Variants in DDR2 observed in about 807,000 individuals in gnomAD.
DDR2 encodes the protein discoidin domain-containing receptor 2.
Under a neutral mutation model 94.9 loss-of-function variants are expected in DDR2, and 27 were observed. That is an observed-to-expected ratio of 0.28 (90% CI 0.21 to 0.39). The LOEUF (loss-of-function observed/expected upper bound fraction) is 0.39, where lower values mean the gene tolerates loss of function less well. DDR2 is among the 10% of genes least tolerant of loss of function. The pLI, the probability that DDR2 is intolerant of heterozygous loss-of-function variation, is 1.00. For missense variants in DDR2, 783 were observed against 1,076.0 expected, an observed-to-expected ratio of 0.73 and a Z score of 3.81; for synonymous variants, 382 against 377.2, an observed-to-expected ratio of 1.01 and a Z score of -0.15.
At chr1:162,777,575 C>G (rs1172512515) in intron 16 of DDR2, among the ~76,000 whole-genome samples, 1 of 152,130 alleles carries the variant, frequency 6.6e-6, no homozygotes, top group African/African-American at 2.4e-5. Context: ...ATTACTCTCC[C>G]TAAAGGTATT....
At chr1:162,717,504 T>G (rs73024569) in intron 2 of DDR2, among the ~76,000 whole-genome samples, 246 of 152,316 alleles carry the variant, frequency 1.6e-3, no homozygotes, top group African/African-American at 5.6e-3. Context: ...GTCCATTCTT[T>G]ATTCTGATTT....
At position 162,776,126 on chromosome 1, in the gene DDR2, A is replaced by G. The variant is rs1390187974; in HGVS notation, c.2049-10A>G. On this transcript the variant is annotated splice_polypyrimidine_tract_variant and intron_variant, in intron 15 of 17. Transcript: ENST00000367921. ...TAGGCTACCTTCTGTCTTCTTGTCTATTTCCTCAGTTACACCAATCTGAAG... is the reference window on the plus strand; with the variant it reads ...TAGGCTACCTTCTGTCTTCTTGTCTGTTTCCTCAGTTACACCAATCTGAAG... 7 of 1,606,818 alleles carry G rather than the reference A, an allele frequency of 4.4e-6. No homozygotes were observed. Among genetic ancestry groups the G allele is most frequent in the South Asian group, 2.2e-5 (2 of 90,846 alleles).
intron 2 of DDR2, among the ~76,000 whole-genome samples, chr1:162,707,332 G>C (rs1240572461): frequency 1.3e-5 from 2 of 152,218 alleles, no homozygotes; most frequent in Non-Finnish European, 2.9e-5. Flanking sequence ...GATTGGTGAG[G>C]ATGGAGAACA....
chr1:162,715,741 C>G (rs1185903338), intron 2 of DDR2, among the ~76,000 whole-genome samples: 2 of 152,334 alleles, frequency 1.3e-5, no homozygotes, highest in Non-Finnish European at 2.9e-5. Context: ...TTGTTGAAAA[C>G]AAACCTCATT....
At chr1:162,767,584 G>GA (rs1179885075) in intron 11 of DDR2, among the ~76,000 whole-genome samples, 1 of 152,146 alleles carries the variant, frequency 6.6e-6, no homozygotes, top group East Asian at 1.9e-4. Context: ...CGGAAATGCA[G>GA]AAAACTCTTC....
intron 3 of DDR2, among the ~76,000 whole-genome samples, chr1:162,740,021 A>T (rs1662511705): frequency 6.6e-6 from 1 of 151,998 alleles, no homozygotes; most frequent in African/African-American, 2.4e-5. Flanking sequence ...ATTTTACTCA[A>T]TGTTATCTTT....
chr1:162,755,194 A>G lies in DDR2; in HGVS notation c.456A>G (p.Leu152=), dbSNP rs1663399481. ...ATAGTAACCCCTATGACATTTTCCT[A>G]AAGGACTTGGAGCCGCCCATTGTAG... is the stretch of plus-strand genomic sequence containing the variant. The part of the protein sequence containing the change: ...DGNSNPYDIF[L]KDLEPPIVAR... The change falls in exon 6 of 18, where the codon CTA becomes CTG. Residue 152 remains leucine, a synonymous_variant. Transcript: ENST00000367921. 5.0e-6 allele frequency: 8 copies of G among 1,614,070 alleles called. No individual in the cohort carries two copies. The highest frequency in any genetic ancestry group is 5.9e-6 in the Non-Finnish European group (7 of 1,180,002).
At position 162,679,564 on chromosome 1, in the gene DDR2, TAGTTTGATTC is replaced by T. The variant is rs1659299211; in HGVS notation, c.-28+24191_-28+24200del. 5.3e-5 allele frequency among the ~76,000 whole-genome samples: 8 copies of T among 152,360 alleles called. No individual in the cohort carries two copies. The South Asian group carries it at 1.0e-3, about 20-fold the overall frequency. On this transcript the variant is annotated intron_variant, in intron 2 of 17. Transcript: ENST00000367921. ...ATTCAGTCTACCATTAATGGGCATTTAGTTTGATTCCATGTCTTTGCTATTGTGGATAGTG... is the reference window on the plus strand; with the variant it reads ...ATTCAGTCTACCATTAATGGGCATTTCATGTCTTTGCTATTGTGGATAGTG...
intron 3 of DDR2, among the ~76,000 whole-genome samples, chr1:162,733,940 A>G (rs1009293129): frequency 1.3e-4 from 20 of 152,250 alleles, no homozygotes; most frequent in African/African-American, 4.8e-4. Flanking sequence ...CTGAATAGAA[A>G]GAGCCAGTAA....
At chr1:162,671,929 C>T (rs748699786) in intron 2 of DDR2, among the ~76,000 whole-genome samples, 1 of 152,200 alleles carries the variant, frequency 6.6e-6, no homozygotes, top group Non-Finnish European at 1.5e-5. Context: ...CATGATGTCT[C>T]TCATCTCTCC....
At chr1:162,651,106 T>G (rs935534287) in intron 1 of DDR2, among the ~76,000 whole-genome samples, 2 of 152,128 alleles carry the variant, frequency 1.3e-5, no homozygotes, top group African/African-American at 2.4e-5. Context: ...CTTTCATTGG[T>G]CATCCTGCCC....
intron 2 of DDR2, among the ~76,000 whole-genome samples, chr1:162,694,974 T>C (rs922656505): frequency 6.6e-6 from 1 of 152,240 alleles, no homozygotes; most frequent in Non-Finnish European, 1.5e-5. Flanking sequence ...ATTTTGAATG[T>C]ATCCGTGAAA....
intron 2 of DDR2, among the ~76,000 whole-genome samples, chr1:162,695,887 A>G (rs1288033670): frequency 6.6e-6 from 1 of 152,234 alleles, no homozygotes; most frequent in African/African-American, 2.4e-5. Flanking sequence ...TAAGGCTCAG[A>G]GAGGTTGAGT....
chr1:162,752,007 G>A (rs2102124417), intron 3 of DDR2, among the ~76,000 whole-genome samples: 1 of 152,214 alleles, frequency 6.6e-6, no homozygotes, highest in African/African-American at 2.4e-5. Context: ...GGGGTGAGGG[G>A]ACGGGGGAGG....
At chr1:162,635,320 A>G (rs1350025013) in intron 1 of DDR2, among the ~76,000 whole-genome samples, 2 of 147,604 alleles carry the variant, frequency 1.4e-5, no homozygotes, top group African/African-American at 4.9e-5. Context: ...GCCACCCCCC[A>G]TACATTCATG....
chr1:162,640,453 G>C (rs1657074622), intron 1 of DDR2, among the ~76,000 whole-genome samples: 1 of 152,130 alleles, frequency 6.6e-6, no homozygotes, highest in South Asian at 2.1e-4. Context: ...TTGTAGCAGA[G>C]GACAAGGGTG....
At chr1:162,711,915 T>G (rs1660934384) in intron 2 of DDR2, among the ~76,000 whole-genome samples, 1 of 152,078 alleles carries the variant, frequency 6.6e-6, no homozygotes, top group African/African-American at 2.4e-5. Flanking sequence ...GGCTTGTGTT[T>G]TGAACCACTG....
chr1:162,668,693 G>A (rs1458973013), intron 2 of DDR2, among the ~76,000 whole-genome samples: 2 of 151,910 alleles, frequency 1.3e-5, no homozygotes, highest in Non-Finnish European at 2.9e-5. Flanking sequence ...CTAGTCATTG[G>A]GTGACATCCC....
intron 1 of DDR2, among the ~76,000 whole-genome samples, chr1:162,650,662 CT>C (rs1207115198): frequency 1.3e-5 from 2 of 152,096 alleles, no homozygotes; most frequent in African/African-American, 4.8e-5. Flanking sequence ...GACTCCCAGG[CT>C]TTTCGACTCC....
Sources: allele counts gnomAD v4.1 joint callset (sites outside exome capture counted in the v4.1 genomes callset), GRCh38; gene constraint gnomAD v4.1.1; transcripts MANE v1.5; gene names NCBI Gene and HGNC (gene_info 2026-07-23, HGNC 2026-07-21).